Variants in PCGF3 observed in about 807,000 individuals in gnomAD.
PCGF3 encodes the protein polycomb group RING finger protein 3.
PCGF3 carries 7 observed loss-of-function variants against 33.1 expected under a neutral mutation model. That is an observed-to-expected ratio of 0.21 (90% confidence interval 0.12 to 0.40). The LOEUF (loss-of-function observed/expected upper bound fraction) is 0.40, where lower values mean the gene tolerates loss of function less well. PCGF3 is among the 10% of genes least tolerant of loss of function. The pLI is 1.00. For missense variants in PCGF3, 211 were observed against 313.3 expected (o/e 0.67, Z 2.46); for synonymous variants, 153 against 121.3 (o/e 1.26, Z -1.72).
chr4:729,801 G>C (rs1743477710), intron 1 of PCGF3, among the ~76,000 whole-genome samples: 1 of 152,222 alleles, frequency 6.6e-6, no homozygotes, highest in African/African-American at 2.4e-5. Flanking sequence ...AGAAAATGAA[G>C]AGCATGAAAG....
chr4:740,480 CGT>C (rs1210553145), intron 6 of PCGF3, among the ~76,000 whole-genome samples: 2 of 152,078 alleles, frequency 1.3e-5, no homozygotes, highest in East Asian at 3.9e-4. Context: ...ACTCGGTGGG[CGT>C]GTCATGGTCT....
At chr4:748,714 T>C (rs1217924020) in intron 8 of PCGF3, among the ~76,000 whole-genome samples, 1 of 152,192 alleles carries the variant, frequency 6.6e-6, no homozygotes, top group African/African-American at 2.4e-5. Flanking sequence ...GTTTCCGATG[T>C]TGACGTACCT....
intron 1 of PCGF3, among the ~76,000 whole-genome samples, chr4:727,233 C>CTTTTTTTTTTGTT: frequency 1.6e-5 from 1 of 61,892 alleles, no homozygotes; most frequent in Non-Finnish European, 2.9e-5. Context: ...TAGCGAGCGT[C>CTTTTTTTTTTGTT]TTTTTTTTTT....
chr4:733,379 C>G (rs546014681), intron 3 of PCGF3, among the ~76,000 whole-genome samples: 1 of 152,218 alleles, frequency 6.6e-6, no homozygotes, highest in East Asian at 1.9e-4. Flanking sequence ...GCTTTATGGA[C>G]CCTCCTCAGT....
chr4:765,117 C>T (rs1314660832), intron 10 of PCGF3, 53 bp downstream of exon 10: 1 of 1,214,814 alleles, frequency 8.2e-7, no homozygotes, highest in African/African-American at 1.5e-5. Context: ...AGTGACTTTG[C>T]TGTGCATCTC....
intron 7 of PCGF3, among the ~76,000 whole-genome samples, chr4:744,369 C>T (rs981158922): frequency 1.3e-5 from 2 of 152,248 alleles, no homozygotes; most frequent in African/African-American, 4.8e-5. Flanking sequence ...CCGTCTCTGT[C>T]TCCTGTGCTC....
rs1045186003 is a variant in PCGF3, at chr4:718,363, C to T, written c.-189-12267C>T. On this transcript the variant is annotated intron_variant, in intron 1 of 10. Transcript: ENST00000362003. ...CCTGGACAGCTGCAGGCCTGCGGGG[C>T]CTGGGTTGAGGGGGATGTCACTGAG... Among the ~76,000 whole-genome samples the T allele has an allele frequency of 9.2e-5, 14 of 152,164 alleles. 3 individuals carry two copies. Among genetic ancestry groups the T allele is most frequent in the Admixed American group, 6.5e-5 (1 of 15,290 alleles).
At chr4:707,565 TGG>T (rs1184082140) in intron 1 of PCGF3, among the ~76,000 whole-genome samples, 6 of 109,102 alleles carry the variant, frequency 5.5e-5, no homozygotes, top group Admixed American at 1.7e-4. Context: ...GTCGGGACCC[TGG>T]GACAGCTCTG....
rs563576024 is a variant in PCGF3, at chr4:743,811, C to G, written c.373+227C>G. 9 of 436,812 alleles carry G rather than the reference C, an allele frequency of 2.1e-5. No homozygotes were observed. The South Asian group carries it at 2.4e-4, about 12-fold the overall frequency. The allele number at this position is 436,812 out of a possible 1,614,324, so 27.1% of individuals were successfully genotyped here. ...CCAGCAGGGGAGAGCAGGAGGGCCC[C>G]CCGAGAGTGTCTGGGGGGCAGAGGT... On this transcript the variant is annotated intron_variant, in intron 7 of 10. Coordinates refer to ENST00000362003, the Ensembl canonical transcript of PCGF3.
chr4:711,448 T>C (rs1303049953), intron 1 of PCGF3, among the ~76,000 whole-genome samples: 1 of 92,032 alleles, frequency 1.1e-5, no homozygotes, highest in Non-Finnish European at 2.8e-5. Flanking sequence ...TTTTTCTTTT[T>C]TTTTTCTTTT....
At chr4:724,309 C>T (rs1314803680) in intron 1 of PCGF3, among the ~76,000 whole-genome samples, 4 of 152,184 alleles carry the variant, frequency 2.6e-5, no homozygotes, top group East Asian at 1.9e-4. Flanking sequence ...AGTCCGTCCT[C>T]GGCCATGCCA....
At chr4:741,526 C>T (rs1179639489) in intron 6 of PCGF3, among the ~76,000 whole-genome samples, 1 of 152,234 alleles carries the variant, frequency 6.6e-6, no homozygotes, top group African/African-American at 2.4e-5. Flanking sequence ...CCTGTCTCAG[C>T]CTCCTGAGTA....
At chr4:743,547 C>T in exon 7 of PCGF3, 1 of 1,612,600 alleles carries the variant, frequency 6.2e-7, no homozygotes, top group South Asian at 1.1e-5. Flanking sequence ...AGGGGGAGAC[C>T]TGCTCTGCAA....
chr4:768,082 T>C (rs926108430), exon 11 of PCGF3: 13 of 152,714 alleles, frequency 8.5e-5, no homozygotes, highest in African/African-American at 3.1e-4. Flanking sequence ...TTTGTAGCTA[T>C]CTTTGAAATC....
At chr4:751,727 GCTGTGC>G (rs891180569) in intron 8 of PCGF3, among the ~76,000 whole-genome samples, 6 of 152,130 alleles carry the variant, frequency 3.9e-5, no homozygotes, top group African/African-American at 7.2e-5. Context: ...AGCTGTGGAT[GCTGTGC>G]CTGTGCCTGG....
intron 6 of PCGF3, among the ~76,000 whole-genome samples, chr4:740,708 T>G (rs1744049759): frequency 6.6e-6 from 1 of 152,192 alleles, no homozygotes; most frequent in East Asian, 1.9e-4. Flanking sequence ...TTTAAATAGT[T>G]GGAAAAAATC....
chr4:721,395 G>A lies in PCGF3; in HGVS notation c.-189-9235G>A, dbSNP rs1007100888. Among the ~76,000 whole-genome samples the A allele has an allele frequency of 6.6e-6, 1 of 152,112 alleles. No homozygotes were observed. The highest frequency in any genetic ancestry group is 1.5e-5 in the Non-Finnish European group (1 of 68,024). On this transcript the variant is annotated intron_variant, in intron 1 of 10. Transcript: ENST00000362003. This position sits in a 1 kb window ranked among gnomAD's most constrained non-coding sequence, Gnocchi z 4.1. ...GCCCCAGGCATGGGCTTGTGATGCC[G>A]GCTCTTCCTCCTGGCAGAGCTCCCC...
chr4:767,658 A>T (rs907565486), exon 11 of PCGF3: 5 of 152,200 alleles, frequency 3.3e-5, no homozygotes, highest in African/African-American at 4.8e-5. Flanking sequence ...CATCTGAGTG[A>T]TTGTCAGTGT....
intron 1 of PCGF3, among the ~76,000 whole-genome samples, chr4:709,963 A>G (rs1742496203): frequency 6.6e-6 from 1 of 152,154 alleles, no homozygotes; most frequent in African/African-American, 2.4e-5. Flanking sequence ...GCTTTGTGAA[A>G]TTGTGGAAGA....
Sources: gnomAD v4.1 joint callset for allele counts (sites outside exome capture counted in the v4.1 genomes callset) on GRCh38, gnomAD v4.1.1 for gene constraint, Gnocchi (gnomAD v3.1) non-coding constraint, MANE v1.5 for transcripts, NCBI Gene and HGNC (gene_info 2026-07-23, HGNC 2026-07-21) for gene names.